CFAP92: variants seen among roughly 807,000 people sequenced by gnomAD.
CFAP92 encodes the protein cilia and flagella associated protein 92 (putative), also known as uncharacterized protein CFAP92.
CFAP92 carries 86 observed loss-of-function variants against 106.3 expected under a neutral mutation model. The observed-to-expected ratio is 0.81, with a 90% CI of 0.68 to 0.97. The LOEUF (loss-of-function observed/expected upper bound fraction) is 0.97, where lower values mean the gene tolerates loss of function less well. Among genes scored for constraint, CFAP92 ranks in the 50% least tolerant of loss-of-function variants. The pLI is 0.00. For missense variants in CFAP92, 1,204 were observed against 1,283.8 expected (o/e 0.94, Z 0.95); for synonymous variants, 477 against 506.4 (o/e 0.94, Z 0.78).
Position 128,975,785 on chromosome 3 carries a change from AC to A in CFAP92, c.1014del (p.Arg338SerfsTer32). 6.3e-7 allele frequency: 1 copy of A among 1,590,862 alleles called. No homozygotes were observed. The highest frequency in any genetic ancestry group is 8.6e-7 in the Non-Finnish European group (1 of 1,169,552). On this transcript the variant is annotated frameshift_variant, in exon 7 of 16. Transcript: ENST00000645291. LOFTEE classifies it high-confidence loss of function. ...AAATCCTATCCTAACTTACTTTGAG[AC>A]CTTTGTCTGTCTAATATGTTTGTTA... ...SSLTNILDRQ[R>X]SQIKGKDSEG...
chr3:128,976,282 C>T (rs781278065), intron 6 of CFAP92, among the ~76,000 whole-genome samples: 3 of 152,084 alleles, frequency 2.0e-5, no homozygotes, highest in Non-Finnish European at 4.4e-5. Context: ...GAATTATCCA[C>T]AACATTTATA....
chr3:128,924,567 C>T (rs1428967296), intron 12 of CFAP92, among the ~76,000 whole-genome samples: 1 of 150,286 alleles, frequency 6.7e-6, no homozygotes, highest in Non-Finnish European at 1.5e-5. Flanking sequence ...GCCTCAGCCT[C>T]CCAAGTAGCT....
At chr3:128,987,072 A>G (rs772825924) in intron 4 of CFAP92, among the ~76,000 whole-genome samples, 4 of 152,094 alleles carry the variant, frequency 2.6e-5, no homozygotes, top group Non-Finnish European at 5.9e-5. Context: ...GAGGCAGGAG[A>G]ATGGCTTGAA....
At chr3:129,012,760 G>A in the CFAP92 span, among the ~76,000 whole-genome samples, 29,410 of 152,174 alleles carry the variant, frequency 0.19, 3,553 homozygotes, top group Middle Eastern at 0.29. Flanking sequence ...AAAGGATGCA[G>A]GTTAGACAGA....
chr3:128,972,876 T>C (rs1322190434), intron 7 of CFAP92, among the ~76,000 whole-genome samples: 1 of 145,366 alleles, frequency 6.9e-6, no homozygotes, highest in Non-Finnish European at 1.5e-5. Context: ...AAAAAAAAGA[T>C]AGAGAGATGA....
chr3:128,991,908 C>T, intron 2 of CFAP92: 2 of 984,822 alleles, frequency 2.0e-6, no homozygotes, highest in South Asian at 4.6e-5. Context: ...CTCCTCCCCT[C>T]ATATTGGGCT....
chr3:128,958,038 CAT>C (rs1295494888), intron 9 of CFAP92, among the ~76,000 whole-genome samples: 3 of 152,174 alleles, frequency 2.0e-5, no homozygotes, highest in African/African-American at 4.8e-5. Flanking sequence ...TGTCACTTTG[CAT>C]AGTCTTCCCT....
Position 128,945,541 on chromosome 3 carries a change from G to A in CFAP92, c.1788C>T (p.Cys596=), listed in dbSNP as rs559219005. ...IHSCEVQPTH[C]GQDSRRRKVV... ...CCTTCCTTCTCCTGCTGTCCTGGCC[G>A]CAGTGTGTGGGCTGAACCTCACAGC... is the stretch of plus-strand genomic sequence containing the variant. Residue 596 remains cysteine, a synonymous_variant, in exon 10 of 16, where the codon TGC becomes TGT. Coordinates refer to ENST00000645291, the MANE Select transcript of CFAP92 (RefSeq NM_001394090.1). 2.9e-5 allele frequency: 44 copies of A among 1,536,150 alleles called. 1 individual carries two copies. The highest frequency in any genetic ancestry group is 8.3e-5 in the South Asian group (7 of 84,068).
At chr3:128,959,700 T>C (rs1336446376) in intron 9 of CFAP92, among the ~76,000 whole-genome samples, 1 of 152,184 alleles carries the variant, frequency 6.6e-6, no homozygotes, top group African/African-American at 2.4e-5. Context: ...ATGACCTGCA[T>C]GTGAAGAGCA....
chr3:128,981,896 G>C (rs746314656), intron 4 of CFAP92, among the ~76,000 whole-genome samples: 1 of 152,168 alleles, frequency 6.6e-6, no homozygotes, highest in Non-Finnish European at 1.5e-5. Flanking sequence ...TCAACAGTTG[G>C]CTTTAAATAT....
chr3:129,022,496 C>T, the CFAP92 span, among the ~76,000 whole-genome samples: 1 of 152,192 alleles, frequency 6.6e-6, no homozygotes, highest in Non-Finnish European at 1.5e-5. Context: ...TGGCCCTTGT[C>T]AGATTGTATA....
intron 15 of CFAP92, among the ~76,000 whole-genome samples, chr3:128,911,586 C>T (rs566918733): frequency 6.6e-6 from 1 of 152,120 alleles, no homozygotes; most frequent in Admixed American, 6.5e-5. Context: ...TATAGGCACG[C>T]ACCACCATGC....
intron 12 of CFAP92, among the ~76,000 whole-genome samples, chr3:128,918,674 GAT>G (rs1240012845): frequency 3.3e-5 from 5 of 152,160 alleles, no homozygotes; most frequent in African/African-American, 1.2e-4. Flanking sequence ...TAGGAGATGA[GAT>G]AAAAGGGATG....
At chr3:128,958,670 G>A (rs1250605798) in intron 9 of CFAP92, among the ~76,000 whole-genome samples, 1 of 152,180 alleles carries the variant, frequency 6.6e-6, no homozygotes, top group African/African-American at 2.4e-5. Flanking sequence ...GGAGGCCACG[G>A]CAGGAGGATC....
chr3:129,011,379 C>T, the CFAP92 span, among the ~76,000 whole-genome samples: 6 of 151,996 alleles, frequency 3.9e-5, no homozygotes, highest in Admixed American at 2.6e-4. Context: ...GGTGAAACCC[C>T]GTCTCTACTA....
At chr3:128,978,409 A>C (rs1158217941) in intron 4 of CFAP92, 1 of 390,956 alleles carries the variant, frequency 2.6e-6, no homozygotes, top group African/African-American at 2.1e-5. Flanking sequence ...ATCTAAAAAA[A>C]AATGTACATA....
At chr3:128,939,603 C>T (rs779436797) in intron 10 of CFAP92, among the ~76,000 whole-genome samples, 28 of 152,166 alleles carry the variant, frequency 1.8e-4, no homozygotes, top group Non-Finnish European at 3.4e-4. Context: ...TCAGCTATCG[C>T]TCCGTATACT....
intron 9 of CFAP92, among the ~76,000 whole-genome samples, chr3:128,952,388 C>T (rs1036371669): frequency 1.2e-4 from 18 of 151,890 alleles, no homozygotes; most frequent in Middle Eastern, 3.2e-3. Context: ...CCAGCTTAAA[C>T]GTAAGATTCA....
intron 9 of CFAP92, among the ~76,000 whole-genome samples, chr3:128,962,535 T>G (rs1349046907): frequency 6.6e-6 from 1 of 152,098 alleles, no homozygotes; most frequent in Non-Finnish European, 1.5e-5. Flanking sequence ...TTGCTGCCCT[T>G]CTTCCCAATC....
Sources: allele counts gnomAD v4.1 joint callset (sites outside exome capture counted in the v4.1 genomes callset), GRCh38; gene constraint gnomAD v4.1.1; transcripts MANE v1.5; gene names NCBI Gene and HGNC (gene_info 2026-07-23, HGNC 2026-07-21).